Variants in HDAC7 observed in about 807,000 individuals in gnomAD.
HDAC7 encodes the protein histone deacetylase 7A.
A neutral mutation model predicts 115.5 loss-of-function variants in HDAC7; 26 were observed. That is an observed-to-expected ratio of 0.23 (90% CI 0.16 to 0.31). The LOEUF (loss-of-function observed/expected upper bound fraction) is 0.31. HDAC7 is among the 10% of genes least tolerant of loss of function. The probability of loss-of-function intolerance (pLI) is 1.00; values close to 1 mark genes in which losing one functional copy is unlikely to be tolerated. For missense variants in HDAC7, 1,068 were observed against 1,329.0 expected, an observed-to-expected ratio of 0.80 and a Z score of 3.05; for synonymous variants, 564 against 550.9, an observed-to-expected ratio of 1.02 and a Z score of -0.33.
intron 1 of HDAC7, among the ~76,000 whole-genome samples, chr12:47,808,289 A>G (rs1944489187): frequency 6.6e-6 from 1 of 152,178 alleles, no homozygotes. Context: ...AGCCCCACGC[A>G]GCAGTGGCCT....
intron 1 of HDAC7, chr12:47,802,545 G>A (rs761051981): frequency 1.4e-6 from 2 of 1,474,200 alleles, no homozygotes; most frequent in Admixed American, 4.0e-5. Flanking sequence ...AGAACCTAAG[G>A]AGGCCTCAGC....
chr12:47,819,749 C>A lies in HDAC7; in HGVS notation c.19+18G>T, dbSNP rs1266827013. On this transcript the variant is annotated intron_variant, in intron 1 of 25. Transcript: ENST00000080059. ...GCCGCGCGCAGGGCGGGGCGGGGGG[C>A]GGCCGCCCAGTACTCACCAGCGCCG... 3 of 827,252 alleles carry A rather than the reference C, an allele frequency of 3.6e-6. No homozygotes were observed. The highest frequency in any genetic ancestry group is 4.4e-6 in the Non-Finnish European group (3 of 679,640). 51.2% of individuals were successfully genotyped at this position (827,252 alleles called of 1,614,324 possible).
chr12:47,802,291 G>A lies in HDAC7; in HGVS notation c.20-17C>T, dbSNP rs773905525. On this transcript the variant is annotated splice_polypyrimidine_tract_variant and intron_variant, in intron 1 of 25. Transcript: ENST00000080059. The stretch of plus-strand genomic sequence containing the variant: ...GGGTCCCATCTGTAGAGAGAGAGAC[G>A]GAGTGAAAGAGCTGCAGGGAGGGGT... The A allele has an allele frequency of 3.0e-5, 49 of 1,612,502 alleles. No homozygotes were observed. The highest frequency in any genetic ancestry group is 1.9e-4 in the South Asian group (17 of 90,984).
In HDAC7 at chr12:47,797,296, G is replaced by GCCCCC; in HGVS notation, c.577+87_577+88insGGGGG. 1.1e-6 allele frequency: 1 copy of GCCCCC among 870,726 alleles called. No homozygotes were observed. Among genetic ancestry groups the GCCCCC allele is most frequent in the Admixed American group, 2.4e-5 (1 of 42,360 alleles). The allele number at this position is 870,726 out of a possible 1,614,324, so 53.9% of individuals were successfully genotyped here. A position where few individuals can be genotyped will look rare whatever the true frequency, so the allele number is the denominator to read the frequency against. On this transcript the variant is annotated intron_variant, in intron 6 of 25. Coordinates refer to ENST00000080059, the MANE Select transcript of HDAC7 (RefSeq NM_015401.5). The surrounding 1 kb of genome is among the most constrained non-coding windows in gnomAD (Gnocchi z 5.5). Reference sequence around the variant, plus strand: ...ACCGATGATCTCCTGGCCCAGCCCAGCCCGCCCACCCCTGCACACTCCTCC... The same window carrying GCCCCC: ...ACCGATGATCTCCTGGCCCAGCCCAGCCCCCCCCGCCCACCCCTGCACACTCCTCC...
At chr12:47,806,414 C>T (rs1458450806) in intron 1 of HDAC7, among the ~76,000 whole-genome samples, 6 of 152,200 alleles carry the variant, frequency 3.9e-5, no homozygotes, top group Non-Finnish European at 1.5e-5. Context: ...AGGTGGCTCA[C>T]GCCTATAATC....
rs1316361767 is a variant in HDAC7, at chr12:47,783,870, C to A, written c.2947G>T (p.Val983Leu). 2.5e-6 allele frequency: 4 copies of A among 1,612,224 alleles called. No homozygotes were observed. Among genetic ancestry groups the A allele is most frequent in the Non-Finnish European group, 3.4e-6 (4 of 1,179,596 alleles). ...LAEDRPSEQL[V>L]EEEEPMNL is the part of the protein sequence containing the mutation. Reference sequence around the variant, plus strand: ...AGATTCATAGGTTCTTCCTCCTCCACCAGCTGCTCCGAGGGCCTGTGGGGA... The same window carrying A: ...AGATTCATAGGTTCTTCCTCCTCCAACAGCTGCTCCGAGGGCCTGTGGGGA... The change falls in exon 26 of 26, where the codon GTG becomes TTG. Residue 983 changes from valine (V) to leucine (L), a missense_variant. Around this residue, in one of 6 missense-constraint regions of HDAC7, gnomAD observed 98 missense variants for 123.9 expected, o/e 0.79. Transcript: ENST00000080059.
Position 47,795,005 on chromosome 12 carries a change from G to C in HDAC7, c.1285-72C>G. 3.4e-6 allele frequency: 5 copies of C among 1,462,202 alleles called. No homozygotes were observed. The highest frequency in any genetic ancestry group is 2.6e-5 in the South Asian group (2 of 77,298). 90.6% of individuals were successfully genotyped at this position (1,462,202 alleles called of 1,614,324 possible). ...CATGGGGTGGGAGGTGGTGGGCTGG[G>C]CCAGGCAGCCAGTCATCTTGCTAGG... On this transcript the variant is annotated intron_variant, in intron 11 of 25. Coordinates refer to ENST00000080059, the MANE Select transcript of HDAC7 (RefSeq NM_015401.5). This position sits in a 1 kb window ranked among gnomAD's most constrained non-coding sequence, Gnocchi z 4.3.
rs201002817 is a variant in HDAC7, at chr12:47,798,607, C to G, written c.304G>C (p.Glu102Gln). Residue 102 changes from glutamate (E) to glutamine (Q), a missense_variant, in exon 4 of 26, where the codon GAA becomes CAA. Transcript: ENST00000080059. The surrounding 1 kb of genome is among the most constrained non-coding windows in gnomAD (Gnocchi z 4.3). The stretch of plus-strand genomic sequence containing the variant: ...TGGAGAAGCTGCCGCAGCTCTTGTT[C>G]CTGGGGTCCCACCTGCAACTCGGGC... Reference protein sequence around the residue: ...PMPELQVGPQEQELRQLLHKD... With the variant: ...PMPELQVGPQQQELRQLLHKD... The G allele has an allele frequency of 2.6e-4, 426 of 1,614,014 alleles. 3 individuals carry two copies. Among genetic ancestry groups the G allele is most frequent in the Non-Finnish European group, 3.3e-5 (39 of 1,179,920 alleles).
At chr12:47,788,312 T>C (rs1336778408) in intron 19 of HDAC7, 148 bp from the exon 20 acceptor site, 1 of 943,266 alleles carries the variant, frequency 1.1e-6, no homozygotes, top group Non-Finnish European at 1.5e-6. Context: ...CACGGTCGAG[T>C]GGCCCCACGT....
intron 1 of HDAC7, among the ~76,000 whole-genome samples, chr12:47,812,659 G>C (rs1944716248): frequency 6.6e-6 from 1 of 152,100 alleles, no homozygotes; most frequent in African/African-American, 2.4e-5. Flanking sequence ...TCTCCTGCCA[G>C]GCTTTGCCAT....
At chr12:47,785,534 C>G (rs775039847) in intron 23 of HDAC7, 63 bp from the exon 24 acceptor site, 23 of 1,489,996 alleles carry the variant, frequency 1.5e-5, no homozygotes, top group Non-Finnish European at 2.1e-5. Flanking sequence ...CTCACTCCCA[C>G]CCCAGGGGCC....
intron 1 of HDAC7, among the ~76,000 whole-genome samples, chr12:47,819,452 A>G (rs144969799): frequency 0.011 from 1,726 of 152,082 alleles, 29 homozygotes; most frequent in African/African-American, 0.037. Flanking sequence ...GGGCCCGCAC[A>G]CCGGCGGCCG....
intron 24 of HDAC7, 126 bp downstream of exon 24, chr12:47,785,261 C>G (rs3815133): frequency 0.78 from 600,223 of 771,178 alleles, 234,949 homozygotes; most frequent in East Asian, 0.92. Flanking sequence ...TCACAGGAAT[C>G]TTACTCCAGA....
intron 25 of HDAC7, 43 bp downstream of exon 25, chr12:47,784,036 C>T (rs547168435): frequency 2.6e-5 from 42 of 1,607,062 alleles, no homozygotes; most frequent in Middle Eastern, 1.8e-4. Context: ...AGGAATGAAG[C>T]GGTGGAGAGG....
chr12:47,808,533 T>C lies in HDAC7; in HGVS notation c.20-6259A>G, dbSNP rs114700064. Among the ~76,000 whole-genome samples, 184 of 152,220 alleles carry C rather than the reference T, an allele frequency of 1.2e-3. 1 individual carries two copies. The highest frequency in any genetic ancestry group is 4.3e-3 in the African/African-American group (179 of 41,506). On this transcript the variant is annotated intron_variant, in intron 1 of 25. Coordinates refer to ENST00000080059, the MANE Select transcript of HDAC7 (RefSeq NM_015401.5). The stretch of plus-strand genomic sequence containing the variant: ...GCCGGGGAGCTGGGCCATTCTGAGT[T>C]GCGTATGGCTGTCGGTTTCTGGGTC...
intron 24 of HDAC7, chr12:47,784,919 C>G (rs1189772394): frequency 1.7e-5 from 12 of 689,242 alleles, no homozygotes. Context: ...GATTATGGGT[C>G]TTGACATAAG....
At chr12:47,821,120 C>G (rs1945010620), upstream of HDAC7, among the ~76,000 whole-genome samples, 1 of 152,160 alleles carries the variant, frequency 6.6e-6, no homozygotes, top group Non-Finnish European at 1.5e-5. Context: ...TCCCCTGACC[C>G]CATTCTATCT....
At position 47,798,578 on chromosome 12, in the gene HDAC7, C is replaced by T. The variant is rs781004419; in HGVS notation, c.333G>A (p.Lys111=). 4 of 1,613,968 alleles carry T rather than the reference C, an allele frequency of 2.5e-6. No individual in the cohort carries two copies. The highest frequency in any genetic ancestry group is 3.4e-6 in the Non-Finnish European group (4 of 1,179,890). ...CCTCCTTACTTCGCTTGCTCTTGTCCTTGTGGAGAAGCTGCCGCAGCTCTT... is the reference window on the plus strand; with the variant it reads ...CCTCCTTACTTCGCTTGCTCTTGTCTTTGTGGAGAAGCTGCCGCAGCTCTT... ...QEQELRQLLH[K]DKSKRSAVAS... The change falls in exon 4 of 26, where the codon AAG becomes AAA. Residue 111 remains lysine (K), a synonymous_variant. Transcript: ENST00000080059. The surrounding 1 kb of genome is among the most constrained non-coding windows in gnomAD (Gnocchi z 4.3).
At chr12:47,818,687 T>C (rs1309812801) in intron 1 of HDAC7, among the ~76,000 whole-genome samples, 1 of 152,174 alleles carries the variant, frequency 6.6e-6, no homozygotes, top group East Asian at 1.9e-4. Context: ...ATTCTCACCC[T>C]AGAAAGCGGC....
Sources: gnomAD v4.1 joint callset for allele counts (sites outside exome capture counted in the v4.1 genomes callset) on GRCh38, gnomAD v4.1.1 for gene constraint, gnomAD v4.1.1 regional missense constraint, Gnocchi (gnomAD v3.1) non-coding constraint, MANE v1.5 for transcripts, NCBI Gene and HGNC (gene_info 2026-07-23, HGNC 2026-07-21) for gene names.